TBC1D32: variants seen among roughly 807,000 people sequenced by gnomAD.
TBC1D32 encodes TBC1 domain family member 32, also known as protein broad-minded.
Under a neutral mutation model 170.3 loss-of-function variants are expected in TBC1D32, and 151 were observed. The ratio of observed to expected loss-of-function variants is 0.89; its 90% CI spans 0.78 to 1.01. TBC1D32 has a LOEUF of 1.01. Ranked by LOEUF, TBC1D32 falls within the 50% of genes least tolerant of loss-of-function variation. TBC1D32 has a pLI of 0.00. For synonymous variants in TBC1D32, 498 were observed against 488.0 expected (o/e 1.02, Z -0.27); for missense variants, 1,464 against 1,457.1 (o/e 1.00, Z -0.08).
At chr6:121,153,111 T>A (rs1362277282) in intron 24 of TBC1D32, among the ~76,000 whole-genome samples, 1 of 152,304 alleles carries the variant, frequency 6.6e-6, no homozygotes, top group East Asian at 1.9e-4. Context: ...GGCTTTTTTT[T>A]ACTGGTTTTT....
chr6:121,228,597 T>C (rs1471237534), intron 20 of TBC1D32, among the ~76,000 whole-genome samples: 1 of 152,126 alleles, frequency 6.6e-6, no homozygotes, highest in African/African-American at 2.4e-5. Flanking sequence ...ATTAATTTCA[T>C]TGTGGTTATA....
chr6:121,088,117 A>G lies in TBC1D32; in HGVS notation c.3654+2736T>C, dbSNP rs1391530291. ...AGGTGTGTGCCACCACACCTAGCTA[A>G]TTTTTGTACTTTTTTTTGGTAGAGA... On this transcript the variant is annotated intron_variant, in intron 31 of 31. Coordinates refer to ENST00000398212, the MANE Select transcript of TBC1D32 (RefSeq NM_152730.6). Among the ~76,000 whole-genome samples, 3 of 151,582 alleles carry G rather than the reference A, an allele frequency of 2.0e-5. 1 individual carries two copies. The highest frequency in any genetic ancestry group is 4.9e-5 in the African/African-American group (2 of 41,214).
At chr6:121,250,015 C>A (rs1464878203) in intron 17 of TBC1D32, among the ~76,000 whole-genome samples, 1 of 151,940 alleles carries the variant, frequency 6.6e-6, no homozygotes, top group Admixed American at 6.6e-5. Context: ...ATAAAGAGCC[C>A]ACACAGCCAA....
At chr6:121,296,515 A>G (rs150036939) in intron 10 of TBC1D32, among the ~76,000 whole-genome samples, 224 of 152,278 alleles carry the variant, frequency 1.5e-3, no homozygotes, top group African/African-American at 5.2e-3. Flanking sequence ...TGTGTTACTT[A>G]TCTCAATGAA....
chr6:121,152,553 AG>A (rs1490167911), intron 24 of TBC1D32, among the ~76,000 whole-genome samples: 1 of 152,156 alleles, frequency 6.6e-6, no homozygotes, highest in Non-Finnish European at 1.5e-5. Flanking sequence ...CTGTCTTGCT[AG>A]GTTGGGGAAG....
intron 21 of TBC1D32, among the ~76,000 whole-genome samples, chr6:121,222,326 C>A (rs144421552): frequency 2.0e-5 from 3 of 151,976 alleles, no homozygotes; most frequent in Non-Finnish European, 4.4e-5. Flanking sequence ...TGGAACTGAA[C>A]CCGCAATAAT....
chr6:121,130,345 C>T (rs1017627166), intron 25 of TBC1D32, among the ~76,000 whole-genome samples: 5 of 151,868 alleles, frequency 3.3e-5, no homozygotes, highest in African/African-American at 7.3e-5. Flanking sequence ...AACTAGGTGT[C>T]GTGACATGCG....
intron 17 of TBC1D32, among the ~76,000 whole-genome samples, chr6:121,250,477 G>T (rs1284111509): frequency 6.6e-6 from 1 of 152,076 alleles, no homozygotes; most frequent in African/African-American, 2.4e-5. Flanking sequence ...CAGAACCAAT[G>T]ACAAAAATCA....
intron 22 of TBC1D32, among the ~76,000 whole-genome samples, chr6:121,169,125 A>G (rs1218088969): frequency 3.3e-5 from 5 of 152,236 alleles, no homozygotes; most frequent in African/African-American, 9.6e-5. Flanking sequence ...ATCTTAAGCA[A>G]AAAGAACAAA....
chr6:121,098,232 CA>C (rs1458586122), intron 30 of TBC1D32, among the ~76,000 whole-genome samples: 2 of 150,758 alleles, frequency 1.3e-5, no homozygotes, highest in African/African-American at 4.9e-5. Flanking sequence ...AACATTAAGT[CA>C]AAAAAGTTTG....
intron 26 of TBC1D32, chr6:121,115,684 G>C (rs961853547): frequency 6.6e-6 from 1 of 152,462 alleles, no homozygotes. Flanking sequence ...AACGTATGAG[G>C]GTAGAATGAA....
chr6:121,317,837 A>T (rs995349640), intron 2 of TBC1D32, 165 bp from the exon 3 acceptor site: 1 of 489,678 alleles, frequency 2.0e-6, no homozygotes, highest in African/African-American at 2.0e-5. Context: ...AAGTGGTAGA[A>T]CAGAATTCAC....
intron 24 of TBC1D32, among the ~76,000 whole-genome samples, chr6:121,150,949 A>C (rs1784140322): frequency 1.3e-5 from 2 of 152,152 alleles, no homozygotes; most frequent in Admixed American, 1.3e-4. Flanking sequence ...CTTTTCAAAA[A>C]ACCAACTCCT....
intron 24 of TBC1D32, 61 bp downstream of exon 24, chr6:121,159,949 T>C: frequency 8.2e-7 from 1 of 1,223,534 alleles, no homozygotes; most frequent in Non-Finnish European, 1.2e-6. Flanking sequence ...AATATTTTCT[T>C]TTTTTCAAAT....
intron 1 of TBC1D32, among the ~76,000 whole-genome samples, chr6:121,328,345 A>T (rs547029979): frequency 3.8e-4 from 58 of 151,652 alleles, no homozygotes; most frequent in Non-Finnish European, 7.5e-4. Flanking sequence ...GAGTGCAGTG[A>T]CGCGATCTCG....
In TBC1D32 at chr6:121,256,145, T is replaced by C. The variant is rs766389175; in HGVS notation, c.1874A>G (p.Glu625Gly). The C allele has an allele frequency of 5.1e-5, 82 of 1,613,944 alleles. No homozygotes were observed. The highest frequency in any genetic ancestry group is 6.7e-5 in the Non-Finnish European group (79 of 1,179,976). Reference protein sequence around the residue: ...SVCRHIYSTCEGLQVLITYNL... With the variant: ...SVCRHIYSTCGGLQVLITYNL... ...ATAAGTGATTAACACCTGCAAACCT[T>C]CACATGTACTATATATGTGACGACA... The change falls in exon 16 of 32, where the codon GAA (glutamate) becomes GGA (glycine). Residue 625 changes from glutamate (E) to glycine (G), a missense_variant. Around this residue, in one of 3 missense-constraint regions of TBC1D32, gnomAD observed 1,363 missense variants for 1,338.1 expected, o/e 1.02. Transcript: ENST00000398212.
intron 17 of TBC1D32, among the ~76,000 whole-genome samples, chr6:121,246,534 G>T (rs1267198741): frequency 6.6e-6 from 1 of 151,814 alleles, no homozygotes; most frequent in Non-Finnish European, 1.5e-5. Context: ...AAACCAAGAA[G>T]AAATCTCTGA....
chr6:121,140,992 A>C (rs2128225526), intron 24 of TBC1D32, among the ~76,000 whole-genome samples: 1 of 152,296 alleles, frequency 6.6e-6, no homozygotes, highest in South Asian at 2.1e-4. Context: ...AGAGCTTGAT[A>C]ATGGAAAAAA....
intron 28 of TBC1D32, 94 bp from the exon 29 acceptor site, chr6:121,112,753 G>C: frequency 9.1e-7 from 1 of 1,103,778 alleles, no homozygotes; most frequent in South Asian, 2.0e-5. Flanking sequence ...TAAATAAAAA[G>C]CAGACATTCT....
Sources: gnomAD v4.1 joint callset for allele counts (sites outside exome capture counted in the v4.1 genomes callset) on GRCh38, gnomAD v4.1.1 for gene constraint, gnomAD v4.1.1 regional missense constraint, MANE v1.5 for transcripts, NCBI Gene and HGNC (gene_info 2026-07-23, HGNC 2026-07-21) for gene names.